The following MYBL1 variants were observed in gnomAD, a reference collection of about 807,000 sequenced individuals.
MYBL1 encodes the protein MYB proto-oncogene like 1.
In MYBL1, 17 loss-of-function variants were observed where a neutral mutation model predicts 96.3. The ratio of observed to expected loss-of-function variants is 0.18; its 90% CI spans 0.12 to 0.26. MYBL1 has a LOEUF of 0.26. MYBL1 is among the 10% of genes least tolerant of loss of function. The pLI is 1.00. For missense variants in MYBL1, 701 were observed against 882.9 expected (o/e 0.79, Z 2.61); for synonymous variants, 282 against 292.7 (o/e 0.96, Z 0.37).
At position 66,572,501 on chromosome 8, in the gene MYBL1, T is replaced by C; in HGVS notation, c.1709A>G (p.Tyr570Cys). The change falls in exon 12 of 16, where the codon TAT (tyrosine) becomes TGT (cysteine). Residue 570 changes from tyrosine to cysteine, a missense_variant. This residue lies in a region of MYBL1 where 63 missense variants were observed against 109.2 expected (regional missense o/e 0.58). Transcript: ENST00000522677. ...ACATACCACAATTTTAAGAGGTCCA[T>C]ATTTTTTCTCCTGAGCAGCAAGCGC... ...KNALAAQEKK[Y>C]GPLKIVSQPL... is the part of the protein sequence containing the mutation. 1 of 1,586,018 alleles carries C rather than the reference T, an allele frequency of 6.3e-7. No individual in the cohort carries two copies.
At chr8:66,587,730 A>G (rs1023661872) in intron 8 of MYBL1, among the ~76,000 whole-genome samples, 5 of 152,184 alleles carry the variant, frequency 3.3e-5, no homozygotes, top group Admixed American at 2.6e-4. Context: ...AAAATGTTCT[A>G]TATTTCCAGC....
chr8:66,572,484 C>T lies in MYBL1; in HGVS notation c.1726G>A (p.Val576Met). The change falls in exon 12 of 16, where the codon GTG (valine) becomes ATG (methionine). Residue 576 changes from valine to methionine, a missense_variant and splice_region_variant. Coordinates refer to ENST00000522677, the MANE Select transcript of MYBL1 (RefSeq NM_001080416.4). ...AAAAATAAAATGAATATACATACCA[C>T]AATTTTAAGAGGTCCATATTTTTTC... ...QEKKYGPLKI[V>M]SQPLAFLEED... is the part of the protein sequence containing the mutation. 1.3e-6 allele frequency: 2 copies of T among 1,514,018 alleles called. No individual in the cohort carries two copies. Among genetic ancestry groups the T allele is most frequent in the Non-Finnish European group, 1.8e-6 (2 of 1,104,674 alleles). 93.8% of individuals were successfully genotyped at this position (1,514,018 alleles called of 1,614,324 possible). A position where few individuals can be genotyped will look rare whatever the true frequency, so the allele number is the denominator to read the frequency against.
intron 1 of MYBL1, among the ~76,000 whole-genome samples, chr8:66,611,294 C>A (rs1313497465): frequency 6.6e-6 from 1 of 152,134 alleles, no homozygotes; most frequent in Admixed American, 6.5e-5. Context: ...ATTCAATTGT[C>A]ATCTTATTTT....
chr8:66,592,504 A>C lies in MYBL1; in HGVS notation c.803T>G (p.Ile268Arg). 6.2e-7 allele frequency: 1 copy of C among 1,601,476 alleles called. No individual in the cohort carries two copies. Among genetic ancestry groups the C allele is most frequent in the African/African-American group, 1.3e-5 (1 of 74,654 alleles). The change falls in exon 8 of 16, where the codon ATA (isoleucine) becomes AGA (arginine). Residue 268 changes from isoleucine to arginine, a missense_variant. Ile to Arg is a moderately conservative substitution (Grantham distance 97). Transcript: ENST00000522677. The part of the protein sequence containing the change: ...IDEDPDKEKK[I>R]KELEMLLMSA... ...CATAAGAAGCATCTCAAGTTCCTTT[A>C]TTTTCTTTTCCTTATCAGGATCTTC...
At chr8:66,595,446 C>A in intron 6 of MYBL1, 137 bp downstream of exon 6, 1 of 426,806 alleles carries the variant, frequency 2.3e-6, no homozygotes, top group Non-Finnish European at 4.0e-6. Context: ...ATTTATAAAT[C>A]AAAGTTACAC....
Position 66,612,888 on chromosome 8 carries a change from C to A in MYBL1, c.-50G>T. On this transcript the variant is annotated 5_prime_UTR_variant, in exon 1 of 16. Coordinates refer to ENST00000522677, the MANE Select transcript of MYBL1 (RefSeq NM_001080416.4). ...GCTGGGCGGGGACGCGGGTCAGCCTCCTCCAGCCTCCGGCGAATGCTCCTT... is the reference window on the plus strand; with the variant it reads ...GCTGGGCGGGGACGCGGGTCAGCCTACTCCAGCCTCCGGCGAATGCTCCTT... 1 of 1,333,802 alleles carries A rather than the reference C, an allele frequency of 7.5e-7. No individual in the cohort carries two copies. The highest frequency in any genetic ancestry group is 9.7e-7 in the Non-Finnish European group (1 of 1,032,054). 82.6% of individuals were successfully genotyped at this position (1,333,802 alleles called of 1,614,324 possible). A position where few individuals can be genotyped will look rare whatever the true frequency, so the allele number is the denominator to read the frequency against.
At chr8:66,596,470 G>A (rs1375121320) in intron 5 of MYBL1, among the ~76,000 whole-genome samples, 1 of 152,042 alleles carries the variant, frequency 6.6e-6, no homozygotes, top group Non-Finnish European at 1.5e-5. Flanking sequence ...AAGGCACTAA[G>A]CTAGGTTCTA....
chr8:66,580,828 C>T (rs184075867), intron 8 of MYBL1, among the ~76,000 whole-genome samples: 27 of 151,914 alleles, frequency 1.8e-4, no homozygotes, highest in Middle Eastern at 3.4e-3. Flanking sequence ...TAATAAAATG[C>T]TCTGTAACCT....
intron 10 of MYBL1, 34 bp downstream of exon 10, chr8:66,575,973 C>T: frequency 1.9e-6 from 3 of 1,579,274 alleles, no homozygotes; most frequent in South Asian, 1.2e-5. Context: ...AACTCATTGA[C>T]ATTTAGAAAC....
chr8:66,572,844 G>A (rs767034139), intron 11 of MYBL1, among the ~76,000 whole-genome samples: 2 of 152,038 alleles, frequency 1.3e-5, no homozygotes, highest in East Asian at 1.9e-4. Flanking sequence ...TACTAGAAAT[G>A]ATTGAAATCA....
chr8:66,602,562 T>C, intron 1 of MYBL1, 39 bp from the exon 2 acceptor site: 1 of 1,460,372 alleles, frequency 6.8e-7, no homozygotes, highest in Non-Finnish European at 9.4e-7. Flanking sequence ...AAGAATTTTA[T>C]TTAAATTTGT....
At chr8:66,599,271 T>C (rs1450910819) in intron 3 of MYBL1, 129 bp from the exon 4 acceptor site, 1 of 528,100 alleles carries the variant, frequency 1.9e-6, no homozygotes, top group Non-Finnish European at 3.3e-6. Context: ...TCTTTAAACA[T>C]GTAACATTTA....
intron 1 of MYBL1, among the ~76,000 whole-genome samples, chr8:66,604,874 T>C (rs1172391515): frequency 6.6e-6 from 1 of 152,080 alleles, no homozygotes; most frequent in East Asian, 1.9e-4. Context: ...TGGAAAATGA[T>C]AGAAGGAGAA....
In MYBL1 at chr8:66,574,456, T is replaced by TTG. The variant is rs1808856515; in HGVS notation, c.1471-952_1471-951dup. Among the ~76,000 whole-genome samples the TTG allele has an allele frequency of 4.6e-5, 7 of 152,288 alleles. No individual in the cohort carries two copies. The Middle Eastern group carries it at 0.017, about 370-fold the overall frequency. ...GCTGGGAGTGAACAGACTATTCACATTGTAGTCTACAGAAATGGCATCCCC... is the reference window on the plus strand; with the variant it reads ...GCTGGGAGTGAACAGACTATTCACATTGTGTAGTCTACAGAAATGGCATCCCC... On this transcript the variant is annotated intron_variant, in intron 10 of 15. Coordinates refer to ENST00000522677, the MANE Select transcript of MYBL1 (RefSeq NM_001080416.4).
intron 8 of MYBL1, among the ~76,000 whole-genome samples, chr8:66,590,157 T>A (rs931184877): frequency 6.6e-6 from 1 of 152,180 alleles, no homozygotes; most frequent in African/African-American, 2.4e-5. Context: ...ATATCATTTT[T>A]ATTAATATCC....
chr8:66,582,569 T>G (rs970312983), intron 8 of MYBL1, among the ~76,000 whole-genome samples: 1 of 110,354 alleles, frequency 9.1e-6, no homozygotes, highest in Non-Finnish European at 1.7e-5. Flanking sequence ...AAAAAAAAAA[T>G]TAGCTGGACA....
intron 6 of MYBL1, among the ~76,000 whole-genome samples, chr8:66,594,914 A>G (rs900731559): frequency 1.3e-5 from 2 of 152,222 alleles, no homozygotes; most frequent in African/African-American, 4.8e-5. Flanking sequence ...TTTATGTGAC[A>G]AGAACCAAGA....
intron 9 of MYBL1, 68 bp from the exon 10 acceptor site, chr8:66,576,443 A>G: frequency 6.8e-7 from 1 of 1,478,600 alleles, no homozygotes; most frequent in Non-Finnish European, 9.1e-7. Context: ...TGAACACAGG[A>G]TGATGATTTC....
chr8:66,592,667 A>G (rs1809696459), intron 7 of MYBL1, 123 bp from the exon 8 acceptor site: 2 of 585,588 alleles, frequency 3.4e-6, no homozygotes, highest in South Asian at 2.6e-5. Context: ...GCTTAATGCT[A>G]CTAAATACTA....
Sources: allele counts gnomAD v4.1 joint callset (sites outside exome capture counted in the v4.1 genomes callset), GRCh38; gene constraint gnomAD v4.1.1; regional missense constraint gnomAD v4.1.1; transcripts MANE v1.5; gene names NCBI Gene and HGNC (gene_info 2026-07-23, HGNC 2026-07-21).